BMPR2: variants seen among roughly 807,000 people sequenced by gnomAD.
BMPR2 encodes bone morphogenetic protein receptor type-2.
A neutral mutation model predicts 100.8 loss-of-function variants in BMPR2; 29 were observed. That is an observed-to-expected ratio of 0.29 (90% CI 0.21 to 0.39). The LOEUF is 0.39. BMPR2 is among the 10% of genes least tolerant of loss of function. The pLI is 1.00. For missense variants in BMPR2, 1,011 were observed against 1,274.5 expected, an observed-to-expected ratio of 0.79 and a Z score of 3.15; for synonymous variants, 382 against 442.3, an observed-to-expected ratio of 0.86 and a Z score of 1.71.
In BMPR2 at chr2:202,565,132, A is replaced by T. The variant is rs1312438529; in HGVS notation, c.*5186A>T. Reference sequence around the variant, plus strand: ...TATCTGATTTGTAGTCTGTGTCAGGAAAGTTTTCTTCATATCTATTCTGTC... The same window carrying T: ...TATCTGATTTGTAGTCTGTGTCAGGTAAGTTTTCTTCATATCTATTCTGTC... On this transcript the variant is annotated 3_prime_UTR_variant, in exon 13 of 13. Transcript: ENST00000374580. The T allele has an allele frequency of 6.6e-6, 1 of 152,042 alleles. No homozygotes were observed. The highest frequency in any genetic ancestry group is 1.5e-5 in the Non-Finnish European group (1 of 67,994). The allele number at this position is 152,042 out of a possible 1,614,324, so 9.4% of individuals were successfully genotyped here.
At chr2:202,398,385 C>CTT (rs113993301) in intron 1 of BMPR2, among the ~76,000 whole-genome samples, 2 of 151,426 alleles carry the variant, frequency 1.3e-5, no homozygotes, top group African/African-American at 4.8e-5. Context: ...AAACAACTGG[C>CTT]TTTTTTTTTA....
In BMPR2 at chr2:202,560,058, C is replaced by G. The variant is rs1688653801; in HGVS notation, c.*112C>G. Reference sequence around the variant, plus strand: ...ATCCTCCTGTCAGCACCCCCTCCCACCCCTGCAACAAAGACTTGCTTTAAA... The same window carrying G: ...ATCCTCCTGTCAGCACCCCCTCCCAGCCCTGCAACAAAGACTTGCTTTAAA... On this transcript the variant is annotated 3_prime_UTR_variant, in exon 13 of 13. Coordinates refer to ENST00000374580, the MANE Select transcript of BMPR2 (RefSeq NM_001204.7). The G allele has an allele frequency of 3.0e-6, 4 of 1,321,104 alleles. No homozygotes were observed. The highest frequency in any genetic ancestry group is 4.2e-6 in the Non-Finnish European group (4 of 957,348). The allele number at this position is 1,321,104 out of a possible 1,614,324, so 81.8% of individuals were successfully genotyped here.
At chr2:202,410,782 T>G (rs959107592) in intron 1 of BMPR2, among the ~76,000 whole-genome samples, 1 of 152,108 alleles carries the variant, frequency 6.6e-6, no homozygotes, top group Non-Finnish European at 1.5e-5. Flanking sequence ...GGTTTCACTG[T>G]GTTAGCCAGG....
At position 202,555,911 on chromosome 2, in the gene BMPR2, A is replaced by T; in HGVS notation, c.2246A>T (p.Gln749Leu). The T allele has an allele frequency of 1.9e-6, 3 of 1,614,214 alleles. No homozygotes were observed. Among genetic ancestry groups the T allele is most frequent in the Non-Finnish European group, 2.5e-6 (3 of 1,180,036 alleles). ...CAGATCTATCCTCTCCCCAAGCAGC[A>T]GAACCTTCCCAAGAGACCTACTAGT... ...PTQIYPLPKQQNLPKRPTSLP... is the reference protein window; with the variant it reads ...PTQIYPLPKQLNLPKRPTSLP... The change falls in exon 12 of 13, where the codon CAG (glutamine) becomes CTG (leucine). Residue 749 changes from glutamine to leucine, a missense_variant. This residue lies in a region of BMPR2 where 508 missense variants were observed against 552.0 expected (regional missense o/e 0.92). Coordinates refer to ENST00000374580, the MANE Select transcript of BMPR2 (RefSeq NM_001204.7).
At position 202,377,422 on chromosome 2, in the gene BMPR2, T is replaced by TCTA; in HGVS notation, c.-50_-48dup. On this transcript the variant is annotated 5_prime_UTR_variant, in exon 1 of 13. Coordinates refer to ENST00000374580, the MANE Select transcript of BMPR2 (RefSeq NM_001204.7). ...AGCCTCCCGGCTGTTTCTCCGCCGG[T>TCTA]CTACTTCCCATATTTCTTTTCTTTG... 6.4e-7 allele frequency: 1 copy of TCTA among 1,569,058 alleles called. No individual in the cohort carries two copies. The highest frequency in any genetic ancestry group is 8.8e-7 in the Non-Finnish European group (1 of 1,139,012).
intron 1 of BMPR2, among the ~76,000 whole-genome samples, chr2:202,448,605 T>A (rs1269621081): frequency 9.3e-4 from 141 of 151,356 alleles, no homozygotes; most frequent in Non-Finnish European, 8.9e-5. Context: ...TACAGGCACG[T>A]GCCACCATGC....
In BMPR2 at chr2:202,520,188, A is replaced by G. The variant is rs1037042104; in HGVS notation, c.954A>G (p.Glu318=). 25 of 1,611,776 alleles carry G rather than the reference A, an allele frequency of 1.6e-5. No homozygotes were observed. Among genetic ancestry groups the G allele is most frequent in the Non-Finnish European group, 2.0e-5 (23 of 1,177,930 alleles). Residue 318 remains glutamate, a synonymous_variant, in exon 7 of 13, where the codon GAA becomes GAG. Transcript: ENST00000374580. ...VTRGLAYLHT[E]LPRGDHYKPA... is the part of the protein sequence containing the mutation. ...GAGGACTGGCTTATCTTCACACAGAATTACCACGAGGAGGTAAGATAGTCA... is the reference window on the plus strand; with the variant it reads ...GAGGACTGGCTTATCTTCACACAGAGTTACCACGAGGAGGTAAGATAGTCA...
Position 202,416,671 on chromosome 2 carries a change from G to A in BMPR2, c.76+39121G>A, listed in dbSNP as rs530424616. 1.5e-4 allele frequency among the ~76,000 whole-genome samples: 23 copies of A among 151,832 alleles called. No homozygotes were observed. In the South Asian group the frequency reaches 3.7e-3, roughly 25 times the overall value. On this transcript the variant is annotated intron_variant, in intron 1 of 12. Coordinates refer to ENST00000374580, the MANE Select transcript of BMPR2 (RefSeq NM_001204.7). ...TATGTCTTGACCTCGTGATCCGCCC[G>A]CCTCAGCCTCCCTAAATGCTGGCAT...
intron 7 of BMPR2, among the ~76,000 whole-genome samples, chr2:202,522,045 G>C (rs1463989929): frequency 1.3e-5 from 2 of 152,096 alleles, no homozygotes; most frequent in Non-Finnish European, 2.9e-5. Flanking sequence ...CATAATCTGA[G>C]CTACTTGGAT....
chr2:202,388,545 G>T (rs560552081), intron 1 of BMPR2, among the ~76,000 whole-genome samples: 108 of 151,996 alleles, frequency 7.1e-4, no homozygotes, highest in Non-Finnish European at 1.4e-3. Context: ...AGCACTTTGG[G>T]AGGCCGAAGC....
chr2:202,406,180 G>A (rs1005232516), intron 1 of BMPR2, among the ~76,000 whole-genome samples: 1 of 152,230 alleles, frequency 6.6e-6, no homozygotes, highest in Non-Finnish European at 1.5e-5. Flanking sequence ...ATAAGTGGTT[G>A]ATTAATATAG....
chr2:202,508,293 A>G (rs1313298564), intron 3 of BMPR2, among the ~76,000 whole-genome samples: 1 of 151,272 alleles, frequency 6.6e-6, no homozygotes, highest in Non-Finnish European at 1.5e-5. Flanking sequence ...GGGTTTCACC[A>G]TGTTGGTCAG....
intron 1 of BMPR2, 43 bp downstream of exon 1, chr2:202,377,593 G>A (rs1224449630): frequency 2.5e-6 from 4 of 1,607,304 alleles, no homozygotes; most frequent in Admixed American, 3.3e-5. Flanking sequence ...TGCCCCTGCG[G>A]GTGGCGAGGG....
intron 1 of BMPR2, among the ~76,000 whole-genome samples, chr2:202,416,081 C>A (rs937650001): frequency 5.3e-5 from 8 of 152,108 alleles, no homozygotes; most frequent in Non-Finnish European, 7.4e-5. Flanking sequence ...AATATCAGTA[C>A]TAACAGGAAT....
chr2:202,429,328 T>C (rs1316836434), intron 1 of BMPR2, among the ~76,000 whole-genome samples: 1 of 120,368 alleles, frequency 8.3e-6, no homozygotes, highest in Non-Finnish European at 1.7e-5. Flanking sequence ...TGGTTCCTGC[T>C]TACATTTTCA....
chr2:202,501,356 AC>A (rs750673560), intron 3 of BMPR2, among the ~76,000 whole-genome samples: 1 of 152,326 alleles, frequency 6.6e-6, no homozygotes, highest in Non-Finnish European at 1.5e-5. Flanking sequence ...AATCAAGGAA[AC>A]CCAGAAGGCA....
chr2:202,452,061 T>G (rs573794127), intron 1 of BMPR2, among the ~76,000 whole-genome samples: 4 of 152,250 alleles, frequency 2.6e-5, no homozygotes, highest in South Asian at 4.2e-4. Flanking sequence ...GCCAATTCGG[T>G]GAGTTTTTAT....
chr2:202,512,786 TAGG>T (rs1687648250), intron 3 of BMPR2, among the ~76,000 whole-genome samples: 1 of 152,146 alleles, frequency 6.6e-6, no homozygotes, highest in Non-Finnish European at 1.5e-5. Flanking sequence ...TGGGCTCAGA[TAGG>T]AGAAGAAACT....
chr2:202,460,319 C>T (rs919826768), intron 1 of BMPR2, among the ~76,000 whole-genome samples: 1 of 151,974 alleles, frequency 6.6e-6, no homozygotes, highest in Non-Finnish European at 1.5e-5. Flanking sequence ...ACTATGCAGC[C>T]ATAAAAAAGA....
Sources: allele counts gnomAD v4.1 joint callset (sites outside exome capture counted in the v4.1 genomes callset), GRCh38; gene constraint gnomAD v4.1.1; regional missense constraint gnomAD v4.1.1; transcripts MANE v1.5; gene names NCBI Gene and HGNC (gene_info 2026-07-23, HGNC 2026-07-21).